Variants in PHLPP1 observed in about 807,000 individuals in gnomAD.
PHLPP1 encodes the protein PH domain and leucine rich repeat protein phosphatase 1, also known as PH domain leucine-rich repeat-containing protein phosphatase 1.
Under a neutral mutation model 117.2 loss-of-function variants are expected in PHLPP1, and 42 were observed. The observed-to-expected ratio is 0.36, with a 90% CI of 0.28 to 0.46. The LOEUF is 0.46. Ranked by LOEUF, PHLPP1 falls within the 20% of genes least tolerant of loss-of-function variation. PHLPP1 has a pLI of 1.00. For missense variants in PHLPP1, 2,084 were observed against 2,241.9 expected, an observed-to-expected ratio of 0.93 and a Z score of 1.42; for synonymous variants, 1,042 against 970.7, an observed-to-expected ratio of 1.07 and a Z score of -1.37.
chr18:62,961,125 C>T (rs549312332), intron 13 of PHLPP1, among the ~76,000 whole-genome samples: 1 of 152,154 alleles, frequency 6.6e-6, no homozygotes, highest in East Asian at 1.9e-4. Flanking sequence ...GATGAAAACC[C>T]GTCTCTACTA....
At chr18:62,739,122 T>C (rs985742235) in intron 1 of PHLPP1, among the ~76,000 whole-genome samples, 1 of 152,236 alleles carries the variant, frequency 6.6e-6, no homozygotes, top group African/African-American at 2.4e-5. Flanking sequence ...ATTTAGGTAG[T>C]ACTTTTGAAG....
Position 62,896,002 on chromosome 18 carries a change from T to C in PHLPP1, c.2435T>C (p.Val812Ala). ...ALRKMPHIKH[V>A]DLRLNVIRKL... The stretch of plus-strand genomic sequence containing the variant: ...AGAAAAATGCCTCACATTAAACATG[T>C]GGATCTAAGGTAACCATTTTTGAGA... The change falls in exon 6 of 17, where the codon GTG (valine) becomes GCG (alanine). Residue 812 changes from valine (V) to alanine (A), a missense_variant. Coordinates refer to ENST00000262719, the MANE Select transcript of PHLPP1 (RefSeq NM_194449.4). 1 of 1,601,332 alleles carries C rather than the reference T, an allele frequency of 6.2e-7. No homozygotes were observed. The highest frequency in any genetic ancestry group is 8.6e-7 in the Non-Finnish European group (1 of 1,168,668).
intron 3 of PHLPP1, among the ~76,000 whole-genome samples, chr18:62,845,591 C>G: frequency 6.6e-6 from 1 of 152,102 alleles, no homozygotes; most frequent in East Asian, 1.9e-4. Context: ...ATTGAGGTTT[C>G]CAACATATCG....
chr18:62,742,588 G>A (rs1271361716), intron 1 of PHLPP1, among the ~76,000 whole-genome samples: 2 of 152,134 alleles, frequency 1.3e-5, no homozygotes, highest in Non-Finnish European at 2.9e-5. Context: ...GGTGCCCACC[G>A]CCATGCCTGG....
intron 1 of PHLPP1, among the ~76,000 whole-genome samples, chr18:62,762,550 A>G (rs1912285902): frequency 6.6e-6 from 1 of 151,014 alleles, no homozygotes; most frequent in South Asian, 2.1e-4. Flanking sequence ...AGTAGCTGGG[A>G]CTACAGATGT....
intron 1 of PHLPP1, among the ~76,000 whole-genome samples, chr18:62,780,640 GTTTCTGA>G (rs1471425503): frequency 6.6e-6 from 1 of 152,204 alleles, no homozygotes; most frequent in Non-Finnish European, 1.5e-5. Context: ...CCCACCCTGA[GTTTCTGA>G]TTCAGTAGGT....
At chr18:62,956,052 A>G (rs1307352271) in intron 12 of PHLPP1, among the ~76,000 whole-genome samples, 1 of 152,232 alleles carries the variant, frequency 6.6e-6, no homozygotes, top group Non-Finnish European at 1.5e-5. Context: ...AACAAAGCAA[A>G]AAAGAGATGA....
chr18:62,742,052 T>A (rs1303653050), intron 1 of PHLPP1, among the ~76,000 whole-genome samples: 2 of 152,154 alleles, frequency 1.3e-5, no homozygotes, highest in East Asian at 3.9e-4. Flanking sequence ...CAAAGGCCTT[T>A]GAGGCCAGTG....
rs552635021 is a variant in PHLPP1, at chr18:62,736,754, G to T, written c.1576+19495G>T. 5.9e-5 allele frequency among the ~76,000 whole-genome samples: 9 copies of T among 152,256 alleles called. No individual in the cohort carries two copies. The South Asian group carries it at 1.9e-3, about 32-fold the overall frequency. Reference sequence around the variant, plus strand: ...CAGCCATCTGTTTAGTTGGTAAATGGGCCTGGCTCACCACCCAGCTTCCAA... The same window carrying T: ...CAGCCATCTGTTTAGTTGGTAAATGTGCCTGGCTCACCACCCAGCTTCCAA... On this transcript the variant is annotated intron_variant, in intron 1 of 16. Transcript: ENST00000262719.
chr18:62,920,843 G>A (rs1599121540), intron 10 of PHLPP1, among the ~76,000 whole-genome samples: 1 of 152,188 alleles, frequency 6.6e-6, no homozygotes, highest in African/African-American at 2.4e-5. Flanking sequence ...TTATAGGTAT[G>A]AGCCACCACG....
chr18:62,892,681 C>T (rs1283344276), intron 4 of PHLPP1, among the ~76,000 whole-genome samples: 2 of 151,570 alleles, frequency 1.3e-5, no homozygotes, highest in African/African-American at 4.8e-5. Context: ...TCGAGACCAT[C>T]CTGGCCAACA....
intron 1 of PHLPP1, 96 bp downstream of exon 1, chr18:62,717,355 A>G: frequency 5.4e-6 from 8 of 1,476,988 alleles, no homozygotes; most frequent in Non-Finnish European, 7.2e-6. Flanking sequence ...CCCAAGAGTA[A>G]GTGCGGGTCC....
chr18:62,732,802 A>G (rs1015984741), intron 1 of PHLPP1, among the ~76,000 whole-genome samples: 2 of 152,232 alleles, frequency 1.3e-5, no homozygotes, highest in African/African-American at 4.8e-5. Flanking sequence ...AAGTTGATTT[A>G]TGGATGATAA....
chr18:62,937,886 C>T (rs768972056), intron 10 of PHLPP1, among the ~76,000 whole-genome samples: 1 of 152,080 alleles, frequency 6.6e-6, no homozygotes, highest in Non-Finnish European at 1.5e-5. Flanking sequence ...GTGGTGCATG[C>T]CTGTAATCCC....
chr18:62,800,567 G>A (rs75653183), intron 1 of PHLPP1, among the ~76,000 whole-genome samples: 3,660 of 151,700 alleles, frequency 0.024, 133 homozygotes, highest in African/African-American at 0.083. Context: ...TTCTCAAGGG[G>A]AAAGTGAGTG....
chr18:62,862,160 A>G (rs1197999083), intron 4 of PHLPP1, among the ~76,000 whole-genome samples: 2 of 151,964 alleles, frequency 1.3e-5, no homozygotes, highest in Non-Finnish European at 2.9e-5. Flanking sequence ...GCTCACTGCA[A>G]CCACTGCCTC....
chr18:62,828,544 TA>T (rs1337427285), intron 1 of PHLPP1, among the ~76,000 whole-genome samples: 2 of 152,206 alleles, frequency 1.3e-5, no homozygotes, highest in African/African-American at 4.8e-5. Context: ...ATTTATTTTA[TA>T]AAACATTTTG....
Position 62,958,615 on chromosome 18 carries a change from T to C in PHLPP1, c.3325-14T>C. 1 of 1,613,704 alleles carries C rather than the reference T, an allele frequency of 6.2e-7. No homozygotes were observed. The highest frequency in any genetic ancestry group is 1.1e-5 in the South Asian group (1 of 91,074). On this transcript the variant is annotated splice_polypyrimidine_tract_variant and intron_variant, in intron 12 of 16. Coordinates refer to ENST00000262719, the MANE Select transcript of PHLPP1 (RefSeq NM_194449.4). ...AGACCATCTCTTTCTTGTTTGCACT[T>C]GTTCTTTTTTCAGTGTGTGGACCTG...
chr18:62,872,353 T>G (rs1482590009), intron 4 of PHLPP1, among the ~76,000 whole-genome samples: 2 of 152,206 alleles, frequency 1.3e-5, no homozygotes, highest in Non-Finnish European at 2.9e-5. Context: ...TCCTGCTACA[T>G]AGAGGGCATC....
Sources: gnomAD v4.1 joint callset for allele counts (sites outside exome capture counted in the v4.1 genomes callset) on GRCh38, gnomAD v4.1.1 for gene constraint, MANE v1.5 for transcripts, NCBI Gene and HGNC (gene_info 2026-07-23, HGNC 2026-07-21) for gene names.